STRBP: variants seen among roughly 807,000 people sequenced by gnomAD.
STRBP encodes spermatid perinuclear RNA-binding protein.
STRBP carries 13 observed loss-of-function variants against 80.1 expected under a neutral mutation model. That is an observed-to-expected ratio of 0.16 (90% confidence interval 0.11 to 0.26). The LOEUF is 0.26. Ranked by LOEUF, STRBP falls within the 10% of genes least tolerant of loss-of-function variation. STRBP has a pLI of 1.00. For missense variants in STRBP, 485 were observed against 815.2 expected (o/e 0.59, Z 4.93); for synonymous variants, 284 against 291.2 (o/e 0.98, Z 0.25).
intron 2 of STRBP, among the ~76,000 whole-genome samples, chr9:123,230,553 C>T (rs145254763): frequency 1.2e-4 from 19 of 152,286 alleles, no homozygotes; most frequent in African/African-American, 3.6e-4. Flanking sequence ...CCGTCCTTTC[C>T]GTATCAGATA....
intron 3 of STRBP, among the ~76,000 whole-genome samples, chr9:123,183,485 A>G (rs1246711178): frequency 3.9e-5 from 6 of 151,994 alleles, no homozygotes; most frequent in Admixed American, 3.3e-4. Context: ...GAGAAAAAAA[A>G]TTCATATAAC....
intron 13 of STRBP, among the ~76,000 whole-genome samples, chr9:123,141,953 A>C (rs147192798): frequency 6.6e-6 from 1 of 152,334 alleles, no homozygotes; most frequent in Non-Finnish European, 1.5e-5. Context: ...GGATCCTCTG[A>C]GCCATGTTTT....
chr9:123,165,595 T>C (rs556806685), intron 6 of STRBP, among the ~76,000 whole-genome samples: 1 of 152,196 alleles, frequency 6.6e-6, no homozygotes, highest in Non-Finnish European at 1.5e-5. Flanking sequence ...TCAAACTGCA[T>C]TATAAATAAG....
intron 1 of STRBP, among the ~76,000 whole-genome samples, chr9:123,242,039 T>C (rs1161693712): frequency 2.0e-5 from 3 of 152,184 alleles, no homozygotes; most frequent in African/African-American, 7.2e-5. Context: ...CCACTAGCTG[T>C]TCCCTCTGCC....
intron 2 of STRBP, among the ~76,000 whole-genome samples, chr9:123,186,110 G>C (rs1465378231): frequency 6.6e-6 from 1 of 151,498 alleles, no homozygotes; most frequent in Non-Finnish European, 1.5e-5. Flanking sequence ...GGAAGGCTGA[G>C]GCCAGGAGGA....
In STRBP at chr9:123,220,242, A is replaced by G. The variant is rs1334944514; in HGVS notation, c.-165+16588T>C. 2.0e-5 allele frequency among the ~76,000 whole-genome samples: 3 copies of G among 152,250 alleles called. No individual in the cohort carries two copies. The East Asian group carries it at 5.8e-4, about 29-fold the overall frequency. On this transcript the variant is annotated intron_variant, in intron 2 of 18. Coordinates refer to ENST00000348403, the MANE Select transcript of STRBP (RefSeq NM_018387.5). ...TTAACAAAAGTGATACAACCTAAGA[A>G]ATGTGTCACTAGGCAATTTCATCAT...
At chr9:123,137,916 A>G (rs1429688192) in intron 14 of STRBP, among the ~76,000 whole-genome samples, 1 of 152,170 alleles carries the variant, frequency 6.6e-6, no homozygotes, top group African/African-American at 2.4e-5. Context: ...TTTCAAGGCA[A>G]ATTTCTAGTC....
chr9:123,170,421 G>C (rs1433020345), intron 5 of STRBP, among the ~76,000 whole-genome samples: 1 of 152,192 alleles, frequency 6.6e-6, no homozygotes, highest in East Asian at 1.9e-4. Flanking sequence ...AGCTGGGACT[G>C]CTCTCCAAAA....
chr9:123,200,734 ATTTT>A lies in STRBP; in HGVS notation c.-164-16440_-164-16437del, dbSNP rs71390418. ...AGGCGCCCCGCCACACACCCCGCTA[ATTTT>A]TTTTTTTTTTTTTTTTTTTTTTTTA... is the stretch of plus-strand genomic sequence containing the variant. On this transcript the variant is annotated intron_variant, in intron 2 of 18. Transcript: ENST00000348403. Among the ~76,000 whole-genome samples the A allele has an allele frequency of 7.9e-3, 298 of 37,498 alleles. 6 individuals are homozygous for A. Among genetic ancestry groups the A allele is most frequent in the African/African-American group, 0.014 (110 of 7,836 alleles). The allele number at this position is 37,498 out of a possible 152,430, so 24.6% of individuals were successfully genotyped here.
At position 123,132,877 on chromosome 9, in the gene STRBP, C is replaced by G. The variant is rs757937625; in HGVS notation, c.1865G>C (p.Gly622Ala). 6.2e-7 allele frequency: 1 copy of G among 1,614,106 alleles called. No individual in the cohort carries two copies. Among genetic ancestry groups the G allele is most frequent in the Non-Finnish European group, 8.5e-7 (1 of 1,179,976 alleles). The change falls in exon 17 of 19, where the codon GGG becomes GCG. Residue 622 changes from glycine (G) to alanine (A), a missense_variant. Gly to Ala is a moderately conservative substitution (Grantham distance 60). Transcript: ENST00000348403. ...TATGTAGCCAGGAGCAGCTGTCGCC[C>G]CAACAAAAGCTCCCCTTGTTAGAGT... ...RGTLTRGAFV[G>A]ATAAPGYIAP...
At chr9:123,234,744 G>C (rs1177941601) in intron 2 of STRBP, among the ~76,000 whole-genome samples, 1 of 152,130 alleles carries the variant, frequency 6.6e-6, no homozygotes, top group East Asian at 1.9e-4. Flanking sequence ...CAGATCACTT[G>C]AGGTCAGGAG....
chr9:123,126,474 C>G lies in STRBP; in HGVS notation c.1943-801G>C, dbSNP rs75338505. On this transcript the variant is annotated intron_variant, in intron 18 of 18. Transcript: ENST00000348403. This position sits in a 1 kb window ranked among gnomAD's most constrained non-coding sequence, Gnocchi z 4.4. Reference sequence around the variant, plus strand: ...GAAAAATGGGGGCATCAAATTTCACCAGCTTTGGAAGTCAGTTATATGGCA... The same window carrying G: ...GAAAAATGGGGGCATCAAATTTCACGAGCTTTGGAAGTCAGTTATATGGCA... Among the ~76,000 whole-genome samples the G allele has an allele frequency of 4.1e-3, 616 of 152,068 alleles. 20 individuals are homozygous for G. In the East Asian group the frequency reaches 0.045, roughly 11 times the overall value.
At chr9:123,166,552 G>C (rs1001288658) in intron 6 of STRBP, among the ~76,000 whole-genome samples, 1 of 152,106 alleles carries the variant, frequency 6.6e-6, no homozygotes. Flanking sequence ...TCAGGAGTTC[G>C]AGGCCAGCCT....
In STRBP at chr9:123,256,486, C is replaced by T. The variant is rs1057480217; in HGVS notation, c.-302+11950G>A. ...TTTATCAGAGGCTAATTGATATATA[C>T]AACGGTTAAGTTCTTCTTGTCACAA... On this transcript the variant is annotated intron_variant, in intron 1 of 18. Transcript: ENST00000348403. 1.1e-4 allele frequency among the ~76,000 whole-genome samples: 16 copies of T among 152,252 alleles called. No individual in the cohort carries two copies. The East Asian group carries it at 1.2e-3, about 11-fold the overall frequency.
Position 123,249,739 on chromosome 9 carries a change from C to T in STRBP, c.-301-12773G>A, listed in dbSNP as rs978763195. On this transcript the variant is annotated intron_variant, in intron 1 of 18. Transcript: ENST00000348403. ...CCTTTTAGCTTACCAATTTTTCTAA[C>T]TTTGCAGTTCTGCAAGTGTGGTTTA... 3.3e-5 allele frequency among the ~76,000 whole-genome samples: 5 copies of T among 152,198 alleles called. No individual in the cohort carries two copies. In the East Asian group the frequency reaches 9.6e-4, roughly 29 times the overall value.
At chr9:123,188,323 C>G (rs1341750518) in intron 2 of STRBP, among the ~76,000 whole-genome samples, 2 of 152,092 alleles carry the variant, frequency 1.3e-5, no homozygotes, top group Non-Finnish European at 1.5e-5. Context: ...TTCCCAAAAA[C>G]TTATTTTCAA....
intron 2 of STRBP, among the ~76,000 whole-genome samples, chr9:123,218,658 C>T (rs1284491250): frequency 6.6e-6 from 1 of 151,960 alleles, no homozygotes; most frequent in Non-Finnish European, 1.5e-5. Flanking sequence ...CGTGAGCCAC[C>T]GCGCCCGGCC....
At chr9:123,228,130 C>T (rs1017901535) in intron 2 of STRBP, among the ~76,000 whole-genome samples, 20 of 152,160 alleles carry the variant, frequency 1.3e-4, no homozygotes, top group Non-Finnish European at 2.1e-4. Flanking sequence ...TTGGCCTAAA[C>T]AACCGGAGGA....
downstream of STRBP, among the ~76,000 whole-genome samples, chr9:123,119,395 C>T (rs866218123): frequency 2.6e-5 from 3 of 117,424 alleles, no homozygotes; most frequent in South Asian, 9.8e-4. Context: ...CCCCCGCCCC[C>T]CGCCAAAAAA....
Sources: gnomAD v4.1 joint callset for allele counts (sites outside exome capture counted in the v4.1 genomes callset) on GRCh38, gnomAD v4.1.1 for gene constraint, Gnocchi (gnomAD v3.1) non-coding constraint, MANE v1.5 for transcripts, NCBI Gene and HGNC (gene_info 2026-07-23, HGNC 2026-07-21) for gene names.